The following MUC13 variants were observed in gnomAD, a reference collection of about 807,000 sequenced individuals.
The protein encoded by MUC13 is mucin-13.
In MUC13, 32 loss-of-function variants were observed where a neutral mutation model predicts 48.3. That is an observed-to-expected ratio of 0.66 (90% CI 0.50 to 0.89). The LOEUF (loss-of-function observed/expected upper bound fraction) is 0.89. Among genes scored for constraint, MUC13 ranks in the 40% least tolerant of loss-of-function variants. MUC13 has a pLI of 0.00. For synonymous variants in MUC13, 199 were observed against 224.9 expected, an observed-to-expected ratio of 0.88 and a Z score of 1.03; for missense variants, 571 against 622.8, an observed-to-expected ratio of 0.92 and a Z score of 0.88.
chr3:124,909,492 G>A (rs1037117181), intron 10 of MUC13, among the ~76,000 whole-genome samples: 2 of 44,614 alleles, frequency 4.5e-5, no homozygotes, highest in East Asian at 1.2e-3. Flanking sequence ...TTGCGTGTGT[G>A]TGTGTGTGTG....
Position 124,934,634 on chromosome 3 carries a change from G to T in MUC13, c.52+27C>A, listed in dbSNP as rs1255982800. 2.0e-6 allele frequency: 3 copies of T among 1,525,560 alleles called. No individual in the cohort carries two copies. In the East Asian group the frequency reaches 6.8e-5, roughly 34 times the overall value. The allele number at this position is 1,525,560 out of a possible 1,614,324, so 94.5% of individuals were successfully genotyped here. A position where few individuals can be genotyped will look rare whatever the true frequency, so the allele number is the denominator to read the frequency against. ...TCAAAGACAACATACATGATTGGAA[G>T]AATTAAAATGTAAAAATATTCCTTA... On this transcript the variant is annotated intron_variant, in intron 1 of 11. Coordinates refer to ENST00000616727, the MANE Select transcript of MUC13 (RefSeq NM_033049.4).
intron 7 of MUC13, 61 bp downstream of exon 7, chr3:124,913,501 T>C: frequency 6.2e-7 from 1 of 1,609,952 alleles, no homozygotes; most frequent in Non-Finnish European, 8.5e-7. Context: ...GAATTTTTTA[T>C]GTTGCAAAAG....
In MUC13 at chr3:124,926,706, A is replaced by G. The variant is rs147764918; in HGVS notation, c.514+826T>C. Among the ~76,000 whole-genome samples the G allele has an allele frequency of 3.5e-3, 533 of 152,286 alleles. 1 individual carries two copies. The highest frequency in any genetic ancestry group is 0.012 in the African/African-American group (488 of 41,566). On this transcript the variant is annotated intron_variant, in intron 2 of 11. Coordinates refer to ENST00000616727, the MANE Select transcript of MUC13 (RefSeq NM_033049.4). Reference sequence around the variant, plus strand: ...ATTCTTTAGGCTCTAAAGTGTGACGATTCTTCTAGATCAAGGGCTGGCAAA... The same window carrying G: ...ATTCTTTAGGCTCTAAAGTGTGACGGTTCTTCTAGATCAAGGGCTGGCAAA...
chr3:124,918,713 T>C (rs1935545241), intron 5 of MUC13, among the ~76,000 whole-genome samples: 1 of 152,172 alleles, frequency 6.6e-6, no homozygotes, highest in African/African-American at 2.4e-5. Flanking sequence ...CTTAGCTAAC[T>C]CCATTCCAAT....
At chr3:124,931,513 C>T (rs1167510237) in intron 1 of MUC13, among the ~76,000 whole-genome samples, 2 of 151,272 alleles carry the variant, frequency 1.3e-5, no homozygotes, top group African/African-American at 2.4e-5. Context: ...TTTGGGAGGC[C>T]GAGGCGGGCA....
At chr3:124,921,848 C>T (rs1273394838) in intron 4 of MUC13, among the ~76,000 whole-genome samples, 1 of 152,210 alleles carries the variant, frequency 6.6e-6, no homozygotes, top group East Asian at 1.9e-4. Flanking sequence ...TGATATTTAT[C>T]TGTCCATTTA....
At chr3:124,923,765 G>T (rs994788159) in intron 2 of MUC13, 116 bp from the exon 3 acceptor site, 1 of 979,432 alleles carries the variant, frequency 1.0e-6, no homozygotes, top group African/African-American at 1.7e-5. Flanking sequence ...CCTTGCTTGT[G>T]TTACTCCACA....
In MUC13 at chr3:124,913,275, A is replaced by G; in HGVS notation, c.1085-35T>C. 2.5e-6 allele frequency: 4 copies of G among 1,592,738 alleles called. 1 individual carries two copies. The South Asian group carries it at 3.4e-5, about 13-fold the overall frequency. On this transcript the variant is annotated intron_variant, in intron 7 of 11. Transcript: ENST00000616727. ...AGAATGATTTCTGGGTAATTTTCAGAAACAATCTCTTTAACCCCAAAGTCA... is the reference window on the plus strand; with the variant it reads ...AGAATGATTTCTGGGTAATTTTCAGGAACAATCTCTTTAACCCCAAAGTCA...
chr3:124,908,889 C>T (rs934753525), intron 10 of MUC13, among the ~76,000 whole-genome samples: 12 of 152,194 alleles, frequency 7.9e-5, no homozygotes, highest in African/African-American at 2.9e-4. Flanking sequence ...CTTGGTGGCT[C>T]ACCTCTGTAA....
chr3:124,917,111 C>A (rs1935522831), intron 5 of MUC13, among the ~76,000 whole-genome samples: 1 of 151,996 alleles, frequency 6.6e-6, no homozygotes, highest in Non-Finnish European at 1.5e-5. Context: ...CTGCCATGAG[C>A]AAGACATTGT....
chr3:124,912,231 T>C, intron 8 of MUC13, 90 bp from the exon 9 acceptor site: 1 of 1,545,260 alleles, frequency 6.5e-7, no homozygotes, highest in Non-Finnish European at 8.8e-7. Flanking sequence ...CCTCTTCCTT[T>C]CCATCTTCCT....
chr3:124,925,903 C>A (rs113249653), intron 2 of MUC13, among the ~76,000 whole-genome samples: 9,330 of 152,188 alleles, frequency 0.061, 333 homozygotes, highest in African/African-American at 0.094. Flanking sequence ...GCGTGAGCCA[C>A]CATGCTCGGC....
At chr3:124,909,704 A>C (rs917810568) in intron 10 of MUC13, among the ~76,000 whole-genome samples, 2 of 151,964 alleles carry the variant, frequency 1.3e-5, no homozygotes, top group African/African-American at 2.4e-5. Context: ...TTAAAAAAAA[A>C]CAACAACCCA....
chr3:124,926,386 C>A (rs111715468), intron 2 of MUC13, among the ~76,000 whole-genome samples: 1 of 152,154 alleles, frequency 6.6e-6, no homozygotes, highest in Non-Finnish European at 1.5e-5. Flanking sequence ...GAACACCTGG[C>A]GAAGCAGAAA....
chr3:124,929,170 C>CTTTTTTTTTTT (rs1238533365), intron 1 of MUC13, among the ~76,000 whole-genome samples: 1 of 134,400 alleles, frequency 7.4e-6, no homozygotes. Flanking sequence ...TTCCCCCACT[C>CTTTTTTTTTTT]TTTTATTTTA....
intron 5 of MUC13, among the ~76,000 whole-genome samples, chr3:124,918,012 C>T (rs1018067162): frequency 2.0e-5 from 3 of 152,234 alleles, no homozygotes; most frequent in African/African-American, 2.4e-5. Context: ...GTATAAATGA[C>T]GAGGGCACTA....
At chr3:124,921,727 A>G (rs985437694) in intron 4 of MUC13, among the ~76,000 whole-genome samples, 1 of 152,240 alleles carries the variant, frequency 6.6e-6, no homozygotes, top group African/African-American at 2.4e-5. Context: ...ACATTTTTTT[A>G]AAAGCCAGAC....
intron 6 of MUC13, among the ~76,000 whole-genome samples, 160 bp downstream of exon 6, chr3:124,916,157 G>A (rs1375140090): frequency 2.0e-5 from 3 of 152,174 alleles, no homozygotes; most frequent in Non-Finnish European, 4.4e-5. Flanking sequence ...GAGGGCAAGC[G>A]AACAAGAAAA....
At position 124,934,749 on chromosome 3, in the gene MUC13, G is replaced by T. The variant is rs377006343; in HGVS notation, c.-37C>A. On this transcript the variant is annotated 5_prime_UTR_variant, in exon 1 of 12. Transcript: ENST00000616727. ...TTGCTTGGTAATCTGAGGAGGAAAT[G>T]ATTTCCCTTCCTGGCTACCTTTCGT... 2.1e-5 allele frequency: 32 copies of T among 1,526,974 alleles called. No homozygotes were observed. The highest frequency in any genetic ancestry group is 2.8e-5 in the Non-Finnish European group (31 of 1,102,042). The allele number at this position is 1,526,974 out of a possible 1,614,324, so 94.6% of individuals were successfully genotyped here.
Sources: allele counts gnomAD v4.1 joint callset (sites outside exome capture counted in the v4.1 genomes callset), GRCh38; gene constraint gnomAD v4.1.1; transcripts MANE v1.5; gene names NCBI Gene and HGNC (gene_info 2026-07-23, HGNC 2026-07-21).